Variants in MTHFS observed in about 807,000 individuals in gnomAD.
MTHFS encodes 5-formyltetrahydrofolate cyclo-ligase.
MTHFS carries 7 observed loss-of-function variants against 12.7 expected under a neutral mutation model. That is an observed-to-expected ratio of 0.55 (90% CI 0.31 to 1.03). MTHFS has a LOEUF of 1.03. Among genes scored for constraint, MTHFS ranks in the 50% least tolerant of loss-of-function variants. The pLI is 0.05. For synonymous variants in MTHFS, 100 were observed against 97.1 expected (o/e 1.03, Z -0.18); for missense variants, 252 against 258.1 (o/e 0.98, Z 0.16).
intron 2 of MTHFS, among the ~76,000 whole-genome samples, chr15:79,852,122 C>T (rs1363096979): frequency 6.6e-6 from 1 of 152,178 alleles, no homozygotes; most frequent in Non-Finnish European, 1.5e-5. Context: ...GCTTCTAAAA[C>T]ATGAAGAAGC....
chr15:79,871,821 C>A (rs557528573), intron 2 of MTHFS, among the ~76,000 whole-genome samples: 22 of 152,056 alleles, frequency 1.4e-4, no homozygotes, highest in African/African-American at 4.6e-4. Context: ...AAATTTTTTA[C>A]ATAGGCCGGG....
intron 2 of MTHFS, among the ~76,000 whole-genome samples, chr15:79,864,895 G>C (rs1339912654): frequency 6.6e-6 from 1 of 152,208 alleles, no homozygotes; most frequent in African/African-American, 2.4e-5. Context: ...AGATGGAATA[G>C]AGAATATTTT....
chr15:79,886,428 G>C (rs540118527), intron 2 of MTHFS, among the ~76,000 whole-genome samples: 1 of 152,160 alleles, frequency 6.6e-6, no homozygotes, highest in South Asian at 2.1e-4. Flanking sequence ...CTGAAGTTTC[G>C]AGAAACTGTG....
intron 2 of MTHFS, among the ~76,000 whole-genome samples, chr15:79,859,278 T>C (rs1246411972): frequency 6.6e-6 from 1 of 152,226 alleles, no homozygotes; most frequent in Non-Finnish European, 1.5e-5. Flanking sequence ...TTTTTCAAAG[T>C]AGAATAATGG....
chr15:79,890,242 G>T (rs2034452149), intron 1 of MTHFS, among the ~76,000 whole-genome samples: 1 of 127,702 alleles, frequency 7.8e-6, no homozygotes, highest in African/African-American at 3.1e-5. Context: ...TTTTGAGACA[G>T]GGTCTCCCTC....
intron 2 of MTHFS, among the ~76,000 whole-genome samples, chr15:79,848,300 A>G (rs2033654642): frequency 6.6e-6 from 1 of 152,226 alleles, no homozygotes; most frequent in African/African-American, 2.4e-5. Flanking sequence ...AGTAGTCAAA[A>G]TCTTAGGAAC....
At chr15:79,845,525 A>T (rs886576208) in intron 2 of MTHFS, 83 bp from the exon 3 acceptor site, 9 of 1,498,216 alleles carry the variant, frequency 6.0e-6, no homozygotes, top group Non-Finnish European at 8.1e-6. Flanking sequence ...TTGTAATGAC[A>T]TCAATTCTTT....
chr15:79,867,570 G>A (rs546389644), intron 2 of MTHFS, among the ~76,000 whole-genome samples: 10 of 148,752 alleles, frequency 6.7e-5, no homozygotes, highest in Non-Finnish European at 1.5e-4. Flanking sequence ...ATTTTTAAAC[G>A]TAGATAAATG....
At chr15:79,855,928 T>A (rs374695941) in intron 2 of MTHFS, among the ~76,000 whole-genome samples, 5 of 152,222 alleles carry the variant, frequency 3.3e-5, no homozygotes, top group Admixed American at 3.3e-4. Flanking sequence ...TGATGGGCAT[T>A]TAGGCTGATT....
rs1850232542 is a variant in MTHFS, at chr15:79,845,273, G to A, written c.549C>T (p.Val183=). The change falls in exon 3 of 3, where the codon GTC becomes GTT. Residue 183 remains valine (V), a synonymous_variant. Transcript: ENST00000258874. ...LAFKEQICLQ[V]PVNENDMKVD... is the part of the protein sequence containing the mutation. ...CCTTCATGTCGTTTTCATTCACTGG[G>A]ACCTGGAGGCAAATCTGTTCTTTGA... The A allele has an allele frequency of 1.9e-6, 3 of 1,614,162 alleles. No homozygotes were observed. In the Admixed American group the frequency reaches 5.0e-5, roughly 27 times the overall value.
chr15:79,872,382 G>C (rs1264895321), intron 2 of MTHFS, among the ~76,000 whole-genome samples: 1 of 152,160 alleles, frequency 6.6e-6, no homozygotes, highest in Non-Finnish European at 1.5e-5. Context: ...GTTTAAATAG[G>C]GAAATGTCAT....
chr15:79,845,875 G>A (rs1396262779), intron 2 of MTHFS, among the ~76,000 whole-genome samples: 3 of 152,168 alleles, frequency 2.0e-5, no homozygotes, highest in Non-Finnish European at 4.4e-5. Context: ...CAGGGTCAGT[G>A]AGCAGAAAGA....
intron 2 of MTHFS, among the ~76,000 whole-genome samples, chr15:79,869,225 A>T (rs1291357539): frequency 6.6e-6 from 1 of 152,250 alleles, no homozygotes; most frequent in Non-Finnish European, 1.5e-5. Context: ...GTGGTATTTA[A>T]TTACTATTTT....
At chr15:79,896,600 C>A (rs2141384428) in intron 1 of MTHFS, among the ~76,000 whole-genome samples, 1 of 152,358 alleles carries the variant, frequency 6.6e-6, no homozygotes, top group East Asian at 1.9e-4. Context: ...ACAAACTCCC[C>A]TCCCAGAGAT....
chr15:79,868,372 A>G (rs886376786), intron 2 of MTHFS, among the ~76,000 whole-genome samples: 34 of 152,166 alleles, frequency 2.2e-4, no homozygotes, highest in Non-Finnish European at 5.0e-4. Flanking sequence ...GGAGCAGATT[A>G]TTTCCTCATA....
At chr15:79,872,411 G>T (rs1048425975) in intron 2 of MTHFS, among the ~76,000 whole-genome samples, 4 of 152,294 alleles carry the variant, frequency 2.6e-5, no homozygotes, top group African/African-American at 9.6e-5. Flanking sequence ...TGCAGGACAG[G>T]TGAGCCCCAA....
chr15:79,889,504 C>A, intron 1 of MTHFS, 150 bp from the exon 2 acceptor site: 1 of 1,258,298 alleles, frequency 7.9e-7, no homozygotes, highest in Non-Finnish European at 1.1e-6. Flanking sequence ...TATAGTGGGT[C>A]AGACAGTGTT....
chr15:79,848,070 T>G (rs1348548923), intron 2 of MTHFS, among the ~76,000 whole-genome samples: 4 of 152,208 alleles, frequency 2.6e-5, no homozygotes, highest in Non-Finnish European at 5.9e-5. Context: ...ATTGCACCAT[T>G]ATTCCCAAGT....
rs112207647 is a variant in MTHFS at position 79,875,070 on chromosome 15, T to C, written c.379+14023A>G. On this transcript the variant is annotated intron_variant, in intron 2 of 2. Transcript: ENST00000258874. ...AGACAGGCATAGGAAATCACAAGAG[T>C]ATTGATTGGGGAAGTGACAAATGTC... is the stretch of plus-strand genomic sequence containing the variant. Among the ~76,000 whole-genome samples the C allele has an allele frequency of 2.6e-4, 40 of 152,048 alleles. 1 individual carries two copies. The highest frequency in any genetic ancestry group is 9.7e-4 in the African/African-American group (40 of 41,450).
Sources: allele counts gnomAD v4.1 joint callset (sites outside exome capture counted in the v4.1 genomes callset), GRCh38; gene constraint gnomAD v4.1.1; transcripts MANE v1.5; gene names NCBI Gene and HGNC (gene_info 2026-07-23, HGNC 2026-07-21).